The following JARID2 variants were observed in gnomAD, a reference collection of about 807,000 sequenced individuals.
JARID2 encodes jumonji and AT-rich interaction domain containing 2.
JARID2 carries 21 observed loss-of-function variants against 125.6 expected under a neutral mutation model. The observed-to-expected ratio is 0.17, with a 90% CI of 0.12 to 0.24. JARID2 has a LOEUF of 0.24. JARID2 is among the 10% of genes least tolerant of loss of function. The pLI, the probability that JARID2 is intolerant of heterozygous loss-of-function variation, is 1.00. For synonymous variants in JARID2, 736 were observed against 661.6 expected (o/e 1.11, Z -1.73); for missense variants, 1,303 against 1,639.6 (o/e 0.79, Z 3.55).
At position 15,343,224 on chromosome 6, in the gene JARID2, C is replaced by T. The variant is rs200488899; in HGVS notation, c.46-30893C>T. On this transcript the variant is annotated intron_variant, in intron 1 of 17. Coordinates refer to ENST00000341776, the MANE Select transcript of JARID2 (RefSeq NM_004973.4). ...AGCCTGGGCGACAAGAACGAAACTC[C>T]GTCAAAAAAAAAAAAAAAAAAAAAA... Among the ~76,000 whole-genome samples the T allele has an allele frequency of 1.3e-3, 112 of 84,124 alleles. 1 individual carries two copies. The East Asian group carries it at 0.033, about 25-fold the overall frequency. 55.2% of individuals were successfully genotyped at this position (84,124 alleles called of 152,430 possible). A position where few individuals can be genotyped will look rare whatever the true frequency, so the allele number is the denominator to read the frequency against.
At chr6:15,502,494 T>C (rs1340123198) in intron 8 of JARID2, among the ~76,000 whole-genome samples, 3 of 152,194 alleles carry the variant, frequency 2.0e-5, no homozygotes. Context: ...AATTGGCTGT[T>C]GGTTATCACT....
At chr6:15,353,699 A>C (rs1303848514) in intron 1 of JARID2, among the ~76,000 whole-genome samples, 1 of 152,158 alleles carries the variant, frequency 6.6e-6, no homozygotes, top group Non-Finnish European at 1.5e-5. Flanking sequence ...CCCTTCAACC[A>C]ATACTCTACT....
At chr6:15,477,765 AGTTAAT>A in intron 5 of JARID2, among the ~76,000 whole-genome samples, 1 of 152,332 alleles carries the variant, frequency 6.6e-6, no homozygotes, top group African/African-American at 2.4e-5. Flanking sequence ...ATGTTACAAC[AGTTAAT>A]GTTAGAAACT....
At chr6:15,295,556 A>G (rs1015867965) in intron 1 of JARID2, among the ~76,000 whole-genome samples, 2 of 152,208 alleles carry the variant, frequency 1.3e-5, no homozygotes, top group Non-Finnish European at 2.9e-5. Context: ...AGAATACTGC[A>G]TTTATTGTTG....
intron 4 of JARID2, among the ~76,000 whole-genome samples, chr6:15,463,329 TCTCA>T (rs1768544103): frequency 6.6e-6 from 1 of 152,124 alleles, no homozygotes. Flanking sequence ...AGTCAGCCTC[TCTCA>T]CTTGCTAAAT....
chr6:15,492,826 G>T (rs988371287), intron 6 of JARID2, among the ~76,000 whole-genome samples: 1 of 152,134 alleles, frequency 6.6e-6, no homozygotes, highest in South Asian at 2.1e-4. Context: ...TGTGTTGTGG[G>T]TGAGATCCAT....
chr6:15,288,447 C>T (rs1265120017), intron 1 of JARID2, among the ~76,000 whole-genome samples: 1 of 152,196 alleles, frequency 6.6e-6, no homozygotes, highest in Admixed American at 6.5e-5. Flanking sequence ...GCCCTGTCCC[C>T]CAACACTGGA....
At chr6:15,410,859 G>T (rs1478256432) in intron 3 of JARID2, among the ~76,000 whole-genome samples, 1 of 152,130 alleles carries the variant, frequency 6.6e-6, no homozygotes, top group Non-Finnish European at 1.5e-5. Context: ...TGTGGAATTG[G>T]TGCTTAAAAC....
intron 1 of JARID2, among the ~76,000 whole-genome samples, chr6:15,296,915 T>G (rs1227318919): frequency 6.6e-6 from 1 of 152,248 alleles, no homozygotes; most frequent in Non-Finnish European, 1.5e-5. Flanking sequence ...TCATAGCACC[T>G]CAGGGCTGGC....
chr6:15,312,858 G>A (rs950524079), intron 1 of JARID2, among the ~76,000 whole-genome samples: 1 of 152,146 alleles, frequency 6.6e-6, no homozygotes, highest in Admixed American at 6.6e-5. Context: ...CCTAGTAACT[G>A]AGAGATGATC....
chr6:15,374,061 T>C, intron 1 of JARID2, 56 bp from the exon 2 acceptor site: 1 of 1,584,502 alleles, frequency 6.3e-7, no homozygotes, highest in Admixed American at 1.8e-5. Flanking sequence ...ATTTTGACTC[T>C]GAATATTGCC....
intron 2 of JARID2, among the ~76,000 whole-genome samples, chr6:15,399,481 T>A (rs1490410930): frequency 6.6e-6 from 1 of 152,122 alleles, no homozygotes; most frequent in African/African-American, 2.4e-5. Flanking sequence ...ATCATCTACC[T>A]TCGTGATGTC....
At chr6:15,427,787 T>C (rs1390640472) in intron 3 of JARID2, among the ~76,000 whole-genome samples, 1 of 152,110 alleles carries the variant, frequency 6.6e-6, no homozygotes, top group Admixed American at 6.5e-5. Flanking sequence ...GCTGGAATTG[T>C]GAGGGCTTGG....
At chr6:15,333,302 C>G (rs1432064651) in intron 1 of JARID2, among the ~76,000 whole-genome samples, 4 of 152,172 alleles carry the variant, frequency 2.6e-5, no homozygotes, top group African/African-American at 9.7e-5. Flanking sequence ...GCCATTACTA[C>G]TATGTAATTG....
chr6:15,513,180 C>T, intron 15 of JARID2, 59 bp from the exon 16 acceptor site: 1 of 1,563,304 alleles, frequency 6.4e-7, no homozygotes, highest in Non-Finnish European at 8.7e-7. Flanking sequence ...TGTGTCCCCT[C>T]TGCTGGTGAG....
At chr6:15,368,625 G>T in intron 1 of JARID2, 1 of 448,948 alleles carries the variant, frequency 2.2e-6, no homozygotes, top group South Asian at 1.6e-5. Context: ...ACCGTGTCAC[G>T]TAAGGAATGA....
intron 1 of JARID2, among the ~76,000 whole-genome samples, chr6:15,270,333 T>C (rs969872232): frequency 2.0e-5 from 3 of 152,258 alleles, no homozygotes; most frequent in Admixed American, 6.5e-5. Flanking sequence ...GGTTTCTCCA[T>C]GTTGGTCAGG....
At chr6:15,365,820 A>G (rs1362212804) in intron 1 of JARID2, among the ~76,000 whole-genome samples, 1 of 152,172 alleles carries the variant, frequency 6.6e-6, no homozygotes, top group Non-Finnish European at 1.5e-5. Context: ...TCACAAGTTC[A>G]GTAAGTAAGT....
At chr6:15,471,819 C>G (rs1769090614) in intron 5 of JARID2, among the ~76,000 whole-genome samples, 2 of 152,098 alleles carry the variant, frequency 1.3e-5, no homozygotes, top group African/African-American at 4.8e-5. Context: ...AAGGGATAGG[C>G]TGAGCTCTCA....
Sources: gnomAD v4.1 joint callset for allele counts (sites outside exome capture counted in the v4.1 genomes callset) on GRCh38, gnomAD v4.1.1 for gene constraint, MANE v1.5 for transcripts, NCBI Gene and HGNC (gene_info 2026-07-23, HGNC 2026-07-21) for gene names.